SBSPON: variants seen among roughly 807,000 people sequenced by gnomAD.
SBSPON encodes somatomedin-B and thrombospondin type-1 domain-containing protein.
Under a neutral mutation model 35.8 loss-of-function variants are expected in SBSPON, and 30 were observed. The observed-to-expected ratio is 0.84, with a 90% CI of 0.63 to 1.14. The LOEUF (loss-of-function observed/expected upper bound fraction) is 1.14. SBSPON is among the 50% of genes most tolerant of loss of function. SBSPON has a pLI of 0.00. For missense variants in SBSPON, 364 were observed against 357.7 expected (o/e 1.02, Z -0.14); for synonymous variants, 136 against 135.9 (o/e 1.00, Z 0.00).
At chr8:73,067,609 T>TATATATATATATATATATATAG (rs1491140504) in intron 4 of SBSPON, 151 bp from the exon 5 acceptor site, 34 of 13,094 alleles carry the variant, frequency 2.6e-3, no homozygotes, top group African/African-American at 0.021. Flanking sequence ...ATATATATAG[T>TATATATATATATATATATATAG]TTTTTTTTTT....
At chr8:73,087,943 G>A (rs1422776044) in intron 1 of SBSPON, among the ~76,000 whole-genome samples, 1 of 152,216 alleles carries the variant, frequency 6.6e-6, no homozygotes, top group Non-Finnish European at 1.5e-5. Flanking sequence ...CCAGGGCAGG[G>A]AAACTTGGAT....
chr8:73,089,601 A>G (rs1057060441), intron 1 of SBSPON, among the ~76,000 whole-genome samples: 53 of 152,200 alleles, frequency 3.5e-4, no homozygotes, highest in African/African-American at 1.2e-3. Context: ...AATGAGACAA[A>G]GTATTAAGTA....
chr8:73,082,445 T>G (rs557787180), intron 1 of SBSPON, among the ~76,000 whole-genome samples: 60 of 152,278 alleles, frequency 3.9e-4, no homozygotes, highest in African/African-American at 1.4e-3. Flanking sequence ...GCATTCACGG[T>G]TTTTGGAGGA....
At chr8:73,084,158 T>C (rs1249567420) in intron 1 of SBSPON, among the ~76,000 whole-genome samples, 2 of 152,170 alleles carry the variant, frequency 1.3e-5, no homozygotes, top group Admixed American at 6.5e-5. Context: ...TGGATGTAGA[T>C]TCAGAGTGCA....
chr8:73,086,982 G>T (rs76176740), intron 1 of SBSPON, among the ~76,000 whole-genome samples: 8,236 of 152,190 alleles, frequency 0.054, 512 homozygotes, highest in East Asian at 0.24. Flanking sequence ...GGGATGGGTG[G>T]GACGACTGCT....
intron 1 of SBSPON, among the ~76,000 whole-genome samples, chr8:73,089,369 CA>C (rs1291911436): frequency 2.6e-5 from 4 of 152,118 alleles, no homozygotes; most frequent in Admixed American, 1.3e-4. Flanking sequence ...GCCTGGCCAA[CA>C]TGGTGAAAAC....
rs79393511 is a variant in SBSPON, at chr8:73,085,050, C to T, written c.215-3837G>A. ...GAAACAGACTCTGATCTGCTCATAT[C>T]ATTAGTTAGAAGCCAAAATGCTGAA... On this transcript the variant is annotated intron_variant, in intron 1 of 4. Transcript: ENST00000297354. 7.4e-4 allele frequency among the ~76,000 whole-genome samples: 113 copies of T among 152,226 alleles called. No homozygotes were observed. The East Asian group carries it at 0.021, about 28-fold the overall frequency.
At chr8:73,071,003 C>T (rs916420305) in intron 3 of SBSPON, among the ~76,000 whole-genome samples, 6 of 152,128 alleles carry the variant, frequency 3.9e-5, no homozygotes, top group Non-Finnish European at 8.8e-5. Context: ...GAGCTAAGCC[C>T]AGACAGCTCT....
intron 4 of SBSPON, among the ~76,000 whole-genome samples, chr8:73,067,840 G>A (rs1037620570): frequency 4.7e-5 from 7 of 149,676 alleles, no homozygotes; most frequent in Admixed American, 6.7e-5. Context: ...CACTGCACCC[G>A]GTTCCCCAAT....
intron 3 of SBSPON, among the ~76,000 whole-genome samples, chr8:73,070,807 T>C (rs1217001578): frequency 6.6e-6 from 1 of 152,212 alleles, no homozygotes; most frequent in Non-Finnish European, 1.5e-5. Flanking sequence ...GCATTTTCAG[T>C]TCCATGGGCT....
At chr8:73,091,634 T>A (rs1015485355) in intron 1 of SBSPON, among the ~76,000 whole-genome samples, 1 of 152,204 alleles carries the variant, frequency 6.6e-6, no homozygotes, top group Non-Finnish European at 1.5e-5. Context: ...AATAGCTGAC[T>A]CTTCCATCTT....
Position 73,092,932 on chromosome 8 carries a change from CCCTGTCCAG to C in SBSPON, c.127_135del (p.Leu43_Arg45del), listed in dbSNP as rs1563493560. On this transcript the variant is annotated inframe_deletion, in exon 1 of 5. Coordinates refer to ENST00000297354, the MANE Select transcript of SBSPON (RefSeq NM_153225.4). ...TGGTCGCAGAAACACGTCCCGTAGACCCTGTCCAGCCTCCAGCCGCGGGCGAAGCAGGCG... is the reference window on the plus strand; with the variant it reads ...TGGTCGCAGAAACACGTCCCGTAGACCCTCCAGCCGCGGGCGAAGCAGGCG... 6.2e-7 allele frequency: 1 copy of C among 1,609,768 alleles called. No individual in the cohort carries two copies. The highest frequency in any genetic ancestry group is 8.5e-7 in the Non-Finnish European group (1 of 1,178,872).
chr8:73,072,511 A>G (rs979242325), intron 2 of SBSPON, among the ~76,000 whole-genome samples: 52 of 152,270 alleles, frequency 3.4e-4, no homozygotes, highest in Non-Finnish European at 1.3e-4. Flanking sequence ...TCTACTAAAA[A>G]TACAAAAATT....
At chr8:73,090,985 G>A (rs1331340199) in intron 1 of SBSPON, among the ~76,000 whole-genome samples, 2 of 152,174 alleles carry the variant, frequency 1.3e-5, no homozygotes, top group African/African-American at 2.4e-5. Flanking sequence ...CAATTCCTGG[G>A]AGCGCTGTCA....
chr8:73,065,037 C>T lies in SBSPON; in HGVS notation c.*2304G>A, dbSNP rs1810361545. ...AAAACTTTTGGTTTTTCATTCATCA[C>T]TTGGACTACATGTTTCAGTTCTGAA... On this transcript the variant is annotated 3_prime_UTR_variant, in exon 5 of 5. Transcript: ENST00000297354. 1 of 152,150 alleles carries T rather than the reference C, an allele frequency of 6.6e-6. No individual in the cohort carries two copies. The highest frequency in any genetic ancestry group is 1.5e-5 in the Non-Finnish European group (1 of 68,028). 9.4% of individuals were successfully genotyped at this position (152,150 alleles called of 1,614,324 possible).
rs917999323 is a variant in SBSPON, at chr8:73,085,235, G to T, written c.215-4022C>A. Among the ~76,000 whole-genome samples, 4 of 152,096 alleles carry T rather than the reference G, an allele frequency of 2.6e-5. No homozygotes were observed. The South Asian group carries it at 8.3e-4, about 32-fold the overall frequency. ...CATCAGAAGGAGCATTGTTTTCTGT[G>T]CCTTAAGATCAGGTAGGTCCAAGCT... On this transcript the variant is annotated intron_variant, in intron 1 of 4. Transcript: ENST00000297354.
At chr8:73,079,424 A>C (rs1428998505) in intron 2 of SBSPON, among the ~76,000 whole-genome samples, 2 of 152,090 alleles carry the variant, frequency 1.3e-5, no homozygotes, top group Non-Finnish European at 2.9e-5. Context: ...ACAGCCCAGT[A>C]AACTTCGCTG....
intron 2 of SBSPON, among the ~76,000 whole-genome samples, chr8:73,079,997 T>C (rs1164832931): frequency 1.3e-5 from 2 of 152,222 alleles, no homozygotes; most frequent in Non-Finnish European, 2.9e-5. Context: ...CATATGGTTT[T>C]TGCTATCCTG....
rs1382569616 is a variant in SBSPON at position 73,067,581 on chromosome 8, C to T, written c.678-123G>A. ...CAGCCTGAGCAATATAGTGAAACCC[C>T]GTCTCTACTATATATATATATATAT... On this transcript the variant is annotated intron_variant, in intron 4 of 4. Coordinates refer to ENST00000297354, the MANE Select transcript of SBSPON (RefSeq NM_153225.4). 3.7e-5 allele frequency: 12 copies of T among 325,446 alleles called. No homozygotes were observed. The Middle Eastern group carries it at 1.5e-3, about 42-fold the overall frequency. 20.2% of individuals were successfully genotyped at this position (325,446 alleles called of 1,614,324 possible).
Sources: allele counts gnomAD v4.1 joint callset (sites outside exome capture counted in the v4.1 genomes callset), GRCh38; gene constraint gnomAD v4.1.1; transcripts MANE v1.5; gene names NCBI Gene and HGNC (gene_info 2026-07-23, HGNC 2026-07-21).